The following ANKS1B variants were observed in gnomAD, a reference collection of about 807,000 sequenced individuals.
The protein encoded by ANKS1B is ankyrin repeat and sterile alpha motif domain containing 1B, also known as ankyrin repeat and sterile alpha motif domain-containing protein 1B.
A neutral mutation model predicts 148.3 loss-of-function variants in ANKS1B; 36 were observed. The ratio of observed to expected loss-of-function variants is 0.24; its 90% CI spans 0.19 to 0.32. The LOEUF is 0.32. Ranked by LOEUF, ANKS1B falls within the 10% of genes least tolerant of loss-of-function variation. The pLI is 1.00. For missense variants in ANKS1B, 1,157 were observed against 1,542.6 expected (o/e 0.75, Z 4.19); for synonymous variants, 542 against 560.8 (o/e 0.97, Z 0.47).
intron 9 of ANKS1B, among the ~76,000 whole-genome samples, chr12:99,523,551 CT>C (rs71088130): frequency 0.025 from 3,047 of 119,568 alleles, 20 homozygotes; most frequent in Middle Eastern, 0.048. Flanking sequence ...AAGGCATCTT[CT>C]TTTTTTTTTT....
At chr12:99,111,021 A>T (rs1469961216) in intron 15 of ANKS1B, among the ~76,000 whole-genome samples, 1 of 152,180 alleles carries the variant, frequency 6.6e-6, no homozygotes, top group Admixed American at 6.5e-5. Context: ...ATCACACTGC[A>T]TCGAAGCTAT....
intron 22 of ANKS1B, among the ~76,000 whole-genome samples, chr12:98,788,765 A>G (rs2098820747): frequency 6.6e-6 from 1 of 152,222 alleles, no homozygotes; most frequent in Non-Finnish European, 1.5e-5. Flanking sequence ...GTTTGATTGA[A>G]AGTTACTGTC....
chr12:99,694,234 T>A (rs773764583), intron 8 of ANKS1B, among the ~76,000 whole-genome samples: 10 of 149,706 alleles, frequency 6.7e-5, no homozygotes, highest in Admixed American at 2.0e-4. Context: ...TGGTCAGGAG[T>A]TCGAGACCAG....
rs17028850 is a variant in ANKS1B, at chr12:98,863,189, T to C, written c.2779-31053A>G. Among the ~76,000 whole-genome samples, 773 of 152,328 alleles carry C rather than the reference T, an allele frequency of 5.1e-3. 36 individuals carry two copies. In the East Asian group the frequency reaches 0.12, roughly 23 times the overall value. ...TAATTAAGTTTTTACATTCAGTAAG[T>C]AGAGTTCACCTCTTCCTCCTAATGG... is the stretch of plus-strand genomic sequence containing the variant. On this transcript the variant is annotated intron_variant, in intron 17 of 26. Transcript: ENST00000683438.
At position 99,533,675 on chromosome 12, in the gene ANKS1B, T is replaced by C. The variant is rs1436785961; in HGVS notation, c.1273-29034A>G. On this transcript the variant is annotated intron_variant, in intron 9 of 26. Transcript: ENST00000683438. ...TATGATGTTGGCTGTGGGTTTATCA[T>C]ATATGGCTCTTATCATTTTGAGGTA... 2.6e-5 allele frequency among the ~76,000 whole-genome samples: 4 copies of C among 152,196 alleles called. No individual in the cohort carries two copies. In the East Asian group the frequency reaches 5.8e-4, roughly 22 times the overall value.
At chr12:98,831,964 C>CCAGG in intron 18 of ANKS1B, 65 bp downstream of exon 18, 1 of 1,439,124 alleles carries the variant, frequency 6.9e-7, no homozygotes, top group Non-Finnish European at 9.6e-7. Context: ...GTTGGCCAGG[C>CCAGG]TGGTCTCAAA....
intron 10 of ANKS1B, among the ~76,000 whole-genome samples, chr12:99,455,156 T>C (rs1252380299): frequency 6.6e-6 from 1 of 152,094 alleles, no homozygotes; most frequent in African/African-American, 2.4e-5. Context: ...ATCTTCTATA[T>C]CTTTCTATTC....
chr12:99,899,843 C>A (rs117422187), intron 1 of ANKS1B, among the ~76,000 whole-genome samples: 1,619 of 151,932 alleles, frequency 0.011, 12 homozygotes, highest in Admixed American at 0.017. Context: ...TCGTAACAGT[C>A]TTAAAATGTT....
At chr12:98,966,448 G>A (rs2099877980) in intron 17 of ANKS1B, among the ~76,000 whole-genome samples, 1 of 152,230 alleles carries the variant, frequency 6.6e-6, no homozygotes, top group Non-Finnish European at 1.5e-5. Flanking sequence ...TACACTGTTG[G>A]TGGGACTGTA....
In ANKS1B at chr12:99,050,858, A is replaced by ATTTTTTT. The variant is rs576571213; in HGVS notation, c.2778+2292_2778+2298dup. On this transcript the variant is annotated intron_variant, in intron 17 of 26. Transcript: ENST00000683438. ...AGGTGCCCGCCACCACGCCCGGCTA[A>ATTTTTTT]TTTTTTTTTTTTTGTATTTTTCATA... Among the ~76,000 whole-genome samples the ATTTTTTT allele has an allele frequency of 5.0e-5, 7 of 141,364 alleles. No homozygotes were observed. In the South Asian group the frequency reaches 9.1e-4, roughly 18 times the overall value. The allele number at this position is 141,364 out of a possible 152,430, so 92.7% of individuals were successfully genotyped here.
chr12:99,306,736 C>T (rs902950971), intron 12 of ANKS1B, among the ~76,000 whole-genome samples: 22 of 152,108 alleles, frequency 1.4e-4, no homozygotes, highest in African/African-American at 4.8e-4. Flanking sequence ...GTTAAAGCTG[C>T]ATCTCTTTGC....
intron 9 of ANKS1B, among the ~76,000 whole-genome samples, chr12:99,526,411 G>T (rs2373014): frequency 0.41 from 62,166 of 151,994 alleles, 12,768 homozygotes; most frequent in African/African-American, 0.46. Flanking sequence ...ACCATTTACA[G>T]GCATTGCATA....
chr12:99,971,770 T>C (rs886687751), intron 1 of ANKS1B, among the ~76,000 whole-genome samples: 1 of 152,136 alleles, frequency 6.6e-6, no homozygotes, highest in Non-Finnish European at 1.5e-5. Flanking sequence ...AAAAACAAAA[T>C]ACATTTTTTA....
At chr12:99,592,890 C>G (rs1042967035) in intron 9 of ANKS1B, among the ~76,000 whole-genome samples, 5 of 152,014 alleles carry the variant, frequency 3.3e-5, no homozygotes, top group African/African-American at 1.2e-4. Flanking sequence ...TGGGACAACT[C>G]AAGGGAAATG....
chr12:98,903,042 T>C (rs2099774237), intron 17 of ANKS1B, among the ~76,000 whole-genome samples: 1 of 152,152 alleles, frequency 6.6e-6, no homozygotes, highest in Non-Finnish European at 1.5e-5. Context: ...TAGTCTCTCA[T>C]TTGATGGTGA....
chr12:98,991,568 C>T (rs543270812), intron 17 of ANKS1B, among the ~76,000 whole-genome samples: 213 of 152,260 alleles, frequency 1.4e-3, no homozygotes, highest in African/African-American at 4.9e-3. Context: ...CATCAATTAA[C>T]AATCTAATAA....
intron 8 of ANKS1B, among the ~76,000 whole-genome samples, chr12:99,699,455 T>C (rs1357175037): frequency 1.3e-5 from 2 of 152,150 alleles, no homozygotes; most frequent in South Asian, 2.1e-4. Flanking sequence ...TCATCCCCTT[T>C]GCCCTTAGTC....
chr12:99,671,583 G>C (rs2098538412), intron 8 of ANKS1B, among the ~76,000 whole-genome samples: 2 of 151,986 alleles, frequency 1.3e-5, no homozygotes, highest in African/African-American at 2.4e-5. Flanking sequence ...TCAGTTACAT[G>C]AAAGTAAAAT....
intron 9 of ANKS1B, among the ~76,000 whole-genome samples, chr12:99,618,934 T>C (rs952554928): frequency 6.6e-6 from 1 of 152,142 alleles, no homozygotes; most frequent in Non-Finnish European, 1.5e-5. Flanking sequence ...AGCACCTCAG[T>C]AGTCGGCACT....
Sources: allele counts gnomAD v4.1 joint callset (sites outside exome capture counted in the v4.1 genomes callset), GRCh38; gene constraint gnomAD v4.1.1; transcripts MANE v1.5; gene names NCBI Gene and HGNC (gene_info 2026-07-23, HGNC 2026-07-21).